AGAP1: variants seen among roughly 807,000 people sequenced by gnomAD.
The protein encoded by AGAP1 is ArfGAP with GTPase domain, ankyrin repeat and PH domain 1, also known as arf-GAP with GTPase, ANK repeat and PH domain-containing protein 1.
AGAP1 carries 29 observed loss-of-function variants against 105.3 expected under a neutral mutation model. That is an observed-to-expected ratio of 0.28 (90% confidence interval 0.21 to 0.38). The LOEUF is 0.38. Ranked by LOEUF, AGAP1 falls within the 10% of genes least tolerant of loss-of-function variation. The pLI, the probability that AGAP1 is intolerant of heterozygous loss-of-function variation, is 1.00. For synonymous variants in AGAP1, 509 were observed against 485.9 expected (o/e 1.05, Z -0.63); for missense variants, 998 against 1,165.1 (o/e 0.86, Z 2.09).
rs568543321 is a variant in AGAP1 at position 236,052,102 on chromosome 2, G to T, written c.2114+2821G>T. 2.0e-5 allele frequency among the ~76,000 whole-genome samples: 3 copies of T among 152,220 alleles called. No homozygotes were observed. In the South Asian group the frequency reaches 6.2e-4, roughly 32 times the overall value. On this transcript the variant is annotated intron_variant, in intron 16 of 17. Coordinates refer to ENST00000304032, the MANE Select transcript of AGAP1 (RefSeq NM_001037131.3). ...GATTGTTAGTAGAAACAGCTGGAAGGTTCTTTTAATGTGGCCCTGAGGTAA... is the reference window on the plus strand; with the variant it reads ...GATTGTTAGTAGAAACAGCTGGAAGTTTCTTTTAATGTGGCCCTGAGGTAA...
chr2:235,869,903 C>T (rs1487754399), intron 9 of AGAP1, among the ~76,000 whole-genome samples: 2 of 152,216 alleles, frequency 1.3e-5, no homozygotes, highest in East Asian at 1.9e-4. Context: ...GACCTCTTAA[C>T]AAGGCTGCGC....
chr2:235,915,539 G>A (rs971547246), intron 11 of AGAP1, among the ~76,000 whole-genome samples: 1 of 152,088 alleles, frequency 6.6e-6, no homozygotes, highest in African/African-American at 2.4e-5. Flanking sequence ...ATTTAGCTGG[G>A]CATAGTGGCG....
Position 235,723,884 on chromosome 2 carries a change from G to A in AGAP1, c.310+6240G>A, listed in dbSNP as rs1951516460. On this transcript the variant is annotated intron_variant, in intron 3 of 17. Coordinates refer to ENST00000304032, the MANE Select transcript of AGAP1 (RefSeq NM_001037131.3). The surrounding 1 kb of genome is among the most constrained non-coding windows in gnomAD (Gnocchi z 6.2). ...GTACCGAGAGGAAGGTGGGCCATCT[G>A]AGAGCCGCCTTTATCCCAGATCTGG... Among the ~76,000 whole-genome samples the A allele has an allele frequency of 6.6e-6, 1 of 152,164 alleles. No individual in the cohort carries two copies. Among genetic ancestry groups the A allele is most frequent in the African/African-American group, 2.4e-5 (1 of 41,438 alleles).
At chr2:235,494,906 G>C (rs1259801848) in intron 1 of AGAP1, 57 bp downstream of exon 1, 1 of 1,504,892 alleles carries the variant, frequency 6.6e-7, no homozygotes, top group Non-Finnish European at 8.9e-7. Flanking sequence ...CGGCGCGGCG[G>C]GGGTGTGCGC....
At chr2:235,916,847 G>A (rs2051910332) in intron 11 of AGAP1, among the ~76,000 whole-genome samples, 1 of 152,146 alleles carries the variant, frequency 6.6e-6, no homozygotes, top group Non-Finnish European at 1.5e-5. Context: ...GGACATAATG[G>A]ACATAGGGCT....
In AGAP1 at chr2:236,003,607, C is replaced by T. The variant is rs2056213196; in HGVS notation, c.1646-32954C>T. Among the ~76,000 whole-genome samples the T allele has an allele frequency of 6.6e-6, 1 of 152,214 alleles. No individual in the cohort carries two copies. Among genetic ancestry groups the T allele is most frequent in the Non-Finnish European group, 1.5e-5 (1 of 68,032 alleles). ...CCCTTAAGTCCCACATCCAAGCTCC[C>T]TCCACCCCACACTCTCCCTTGGATT... On this transcript the variant is annotated intron_variant, in intron 13 of 17. Transcript: ENST00000304032. This position sits in a 1 kb window ranked among gnomAD's most constrained non-coding sequence, Gnocchi z 4.2.
At chr2:235,742,292 A>G (rs76941285) in intron 4 of AGAP1, among the ~76,000 whole-genome samples, 18 of 152,174 alleles carry the variant, frequency 1.2e-4, no homozygotes, top group African/African-American at 3.1e-4. Flanking sequence ...CAGATTTGCC[A>G]TGTTGCATTG....
At chr2:235,500,352 C>T (rs1941508444) in intron 1 of AGAP1, among the ~76,000 whole-genome samples, 1 of 152,102 alleles carries the variant, frequency 6.6e-6, no homozygotes, top group African/African-American at 2.4e-5. Flanking sequence ...CCTCCCATAC[C>T]TCCCGAGTTT....
At chr2:235,616,345 G>A (rs1158148090) in intron 1 of AGAP1, among the ~76,000 whole-genome samples, 1 of 150,714 alleles carries the variant, frequency 6.6e-6, no homozygotes, top group African/African-American at 2.4e-5. Flanking sequence ...TGGTGACAGA[G>A]TGAGACTCCA....
In AGAP1 at chr2:235,787,760, T is replaced by C. The variant is rs1016159927; in HGVS notation, c.674-9999T>C. Among the ~76,000 whole-genome samples the C allele has an allele frequency of 9.9e-5, 15 of 152,196 alleles. No homozygotes were observed. The highest frequency in any genetic ancestry group is 3.6e-4 in the African/African-American group (15 of 41,458). Reference sequence around the variant, plus strand: ...TATTAAAGAATGGGCAGCAACTTGCTTGGTTTCTGTGAGGACTTGCTTAAT... The same window carrying C: ...TATTAAAGAATGGGCAGCAACTTGCCTGGTTTCTGTGAGGACTTGCTTAAT... On this transcript the variant is annotated intron_variant, in intron 6 of 17. Transcript: ENST00000304032. This position sits in a 1 kb window ranked among gnomAD's most constrained non-coding sequence, Gnocchi z 4.4.
At chr2:235,594,695 C>T (rs186699081) in intron 1 of AGAP1, among the ~76,000 whole-genome samples, 1 of 151,828 alleles carries the variant, frequency 6.6e-6, no homozygotes, top group Non-Finnish European at 1.5e-5. Context: ...CCTTGGCGTC[C>T]CAAGTAGCAG....
rs1946042840 is a variant in AGAP1 at position 235,609,060 on chromosome 2, T to G, written c.164-100119T>G. On this transcript the variant is annotated intron_variant, in intron 1 of 17. Transcript: ENST00000304032. This position sits in a 1 kb window ranked among gnomAD's most constrained non-coding sequence, Gnocchi z 5.1. The stretch of plus-strand genomic sequence containing the variant: ...AGTGGTAAGTTCTGCATAGAAATGA[T>G]TTTTGCACAGAGCTTTGTCATTGGG... 6.6e-6 allele frequency among the ~76,000 whole-genome samples: 1 copy of G among 152,140 alleles called. No individual in the cohort carries two copies. The highest frequency in any genetic ancestry group is 1.5e-5 in the Non-Finnish European group (1 of 68,022).
At chr2:236,023,745 C>T (rs1027185646) in intron 13 of AGAP1, among the ~76,000 whole-genome samples, 2 of 152,060 alleles carry the variant, frequency 1.3e-5, no homozygotes, top group East Asian at 1.9e-4. Context: ...TGCACCGTTG[C>T]GATATCCCAT....
chr2:236,038,304 C>A lies in AGAP1; in HGVS notation c.1800+1589C>A. On this transcript the variant is annotated intron_variant, in intron 14 of 17. Transcript: ENST00000304032. The surrounding 1 kb of genome is among the most constrained non-coding windows in gnomAD (Gnocchi z 4.5). ...AAGGCAGGGAGGCAGGCTGTGTTAC[C>A]GAACAGAGAGGCACAGGTTCCTGCC... 6.6e-6 allele frequency among the ~76,000 whole-genome samples: 1 copy of A among 152,158 alleles called. No homozygotes were observed. Among genetic ancestry groups the A allele is most frequent in the East Asian group, 1.9e-4 (1 of 5,190 alleles).
intron 9 of AGAP1, among the ~76,000 whole-genome samples, chr2:235,862,330 C>T (rs1007764169): frequency 6.6e-6 from 1 of 152,162 alleles, no homozygotes; most frequent in Non-Finnish European, 1.5e-5. Context: ...GCAGTGGTAG[C>T]GGTCCTTGTC....
chr2:235,658,675 A>G (rs1383800639), intron 1 of AGAP1, among the ~76,000 whole-genome samples: 1 of 152,136 alleles, frequency 6.6e-6, no homozygotes, highest in Admixed American at 6.5e-5. Flanking sequence ...AGCCAGCTCA[A>G]GGAACAGCTA....
chr2:235,890,101 T>C (rs570454433), intron 10 of AGAP1, among the ~76,000 whole-genome samples: 1 of 151,516 alleles, frequency 6.6e-6, no homozygotes, highest in African/African-American at 2.4e-5. Flanking sequence ...GCTGTGTAGG[T>C]TGAGAGAAGG....
chr2:235,981,720 G>T lies in AGAP1; in HGVS notation c.1645+13097G>T, dbSNP rs909213374. 2.0e-5 allele frequency among the ~76,000 whole-genome samples: 3 copies of T among 152,100 alleles called. No homozygotes were observed. Among genetic ancestry groups the T allele is most frequent in the African/African-American group, 7.2e-5 (3 of 41,410 alleles). ...ACCTGGGAGGTGGGTGCCGTTATCC[G>T]CATTTTTATAACTGAGGAAACCGAG... On this transcript the variant is annotated intron_variant, in intron 13 of 17. Coordinates refer to ENST00000304032, the MANE Select transcript of AGAP1 (RefSeq NM_001037131.3). The surrounding 1 kb of genome is among the most constrained non-coding windows in gnomAD (Gnocchi z 5.5).
intron 1 of AGAP1, among the ~76,000 whole-genome samples, chr2:235,686,614 GATATAGATATATATATATATATATAT>G (rs1217929617): frequency 1.3e-4 from 5 of 37,924 alleles, no homozygotes; most frequent in East Asian, 5.3e-4. Flanking sequence ...TATACGTGGA[GATATAGATATATATATATATATATAT>G]ATATAGATAT....
Sources: allele counts gnomAD v4.1 joint callset (sites outside exome capture counted in the v4.1 genomes callset), GRCh38; gene constraint gnomAD v4.1.1; non-coding constraint Gnocchi (gnomAD v3.1); transcripts MANE v1.5; gene names NCBI Gene and HGNC (gene_info 2026-07-23, HGNC 2026-07-21).